The following BEST4 variants were observed in gnomAD, a reference collection of about 807,000 sequenced individuals.
BEST4 encodes bestrophin 4.
A neutral mutation model predicts 47.1 loss-of-function variants in BEST4; 36 were observed. That is an observed-to-expected ratio of 0.76 (90% CI 0.59 to 1.01). The LOEUF is 1.01. BEST4 is among the 50% of genes least tolerant of loss of function. The pLI, the probability that BEST4 is intolerant of heterozygous loss-of-function variation, is 0.00. For synonymous variants in BEST4, 250 were observed against 277.8 expected (o/e 0.90, Z 1.00); for missense variants, 550 against 648.6 (o/e 0.85, Z 1.65).
intron 2 of BEST4, among the ~76,000 whole-genome samples, chr1:44,787,143 C>CTTTT (rs34398169): frequency 7.6e-5 from 8 of 105,026 alleles, no homozygotes; most frequent in South Asian, 3.2e-4. Context: ...TTGAGTAATT[C>CTTTT]TTTTTTTTTT....
In BEST4 at chr1:44,786,091, G is replaced by A; in HGVS notation, c.619C>T (p.Leu207Phe). The change falls in exon 4 of 9, where the codon CTC becomes TTC. Residue 207 changes from leucine to phenylalanine, a missense_variant. Leu to Phe is a conservative substitution (Grantham distance 22). Coordinates refer to ENST00000372207, the MANE Select transcript of BEST4 (RefSeq NM_153274.3). This position sits in a 1 kb window ranked among gnomAD's most constrained non-coding sequence, Gnocchi z 4.9. ...CCACTCACTTCCAAAAGTAGACAGA[G>A]AGCGATATCGTCACGTATTCGCCCG... ...RDGRIRDDIA[L>F]CLLLEELNKY... The A allele has an allele frequency of 6.2e-7, 1 of 1,609,842 alleles. No individual in the cohort carries two copies. The highest frequency in any genetic ancestry group is 8.5e-7 in the Non-Finnish European group (1 of 1,178,518).
upstream of BEST4, among the ~76,000 whole-genome samples, chr1:44,789,897 A>G (rs985618679): frequency 6.6e-6 from 1 of 152,232 alleles, no homozygotes; most frequent in Admixed American, 6.5e-5. Context: ...CAAGTTTCCT[A>G]AAGATAGGAA....
chr1:44,789,671 C>T (rs977376307), upstream of BEST4, among the ~76,000 whole-genome samples: 12 of 152,068 alleles, frequency 7.9e-5, no homozygotes, highest in South Asian at 8.3e-4. Flanking sequence ...GCACTCCAGC[C>T]TGGACAACAA....
Position 44,787,540 on chromosome 1 carries a change from G to A in BEST4, c.152+14C>T. The A allele has an allele frequency of 6.2e-7, 1 of 1,614,146 alleles. No homozygotes were observed. The highest frequency in any genetic ancestry group is 1.7e-5 in the Admixed American group (1 of 60,018). On this transcript the variant is annotated intron_variant, in intron 1 of 8. Coordinates refer to ENST00000372207, the MANE Select transcript of BEST4 (RefSeq NM_153274.3). Reference sequence around the variant, plus strand: ...GTCTCCCCACTTGCGCCAGCTCTAAGACCCTGCCCTTACCGGTAGGTGATG... The same window carrying A: ...GTCTCCCCACTTGCGCCAGCTCTAAAACCCTGCCCTTACCGGTAGGTGATG...
upstream of BEST4, among the ~76,000 whole-genome samples, chr1:44,792,496 G>A (rs965875040): frequency 5.3e-5 from 8 of 151,630 alleles, no homozygotes; most frequent in East Asian, 1.9e-4. Context: ...GAGTCGTTGC[G>A]CATATTAGGT....
upstream of BEST4, among the ~76,000 whole-genome samples, chr1:44,790,048 A>C (rs1651370601): frequency 1.3e-5 from 2 of 152,184 alleles, no homozygotes; most frequent in African/African-American, 4.8e-5. Context: ...AGAACGCCTA[A>C]CCTCATGGGG....
chr1:44,782,900 A>T (rs1557611564), downstream of BEST4, among the ~76,000 whole-genome samples: 1 of 151,810 alleles, frequency 6.6e-6, no homozygotes, highest in Non-Finnish European at 1.5e-5. Context: ...ATCGTATAGG[A>T]GCATAGTTTT....
intron 5 of BEST4, 145 bp downstream of exon 5, chr1:44,785,454 G>T: frequency 8.5e-7 from 1 of 1,175,020 alleles, no homozygotes; most frequent in Non-Finnish European, 1.2e-6. Context: ...TCACCTTGTT[G>T]GGGGTGGTGG....
downstream of BEST4, among the ~76,000 whole-genome samples, chr1:44,783,156 C>T (rs774162859): frequency 1.3e-4 from 20 of 152,174 alleles, no homozygotes; most frequent in Non-Finnish European, 2.4e-4. Flanking sequence ...GGTTTCACCA[C>T]GTTGGCCAGG....
Position 44,785,583 on chromosome 1 carries a change from G to A in BEST4, c.714+16C>T, listed in dbSNP as rs1651189678. On this transcript the variant is annotated intron_variant, in intron 5 of 8. Transcript: ENST00000372207. ...ATACAGTAGGCACTGGGACTCGGGA[G>A]GGGAGAGGCAGTTACTTGGGTGTAG... 1.9e-6 allele frequency: 3 copies of A among 1,544,348 alleles called. No homozygotes were observed. The highest frequency in any genetic ancestry group is 2.6e-6 in the Non-Finnish European group (3 of 1,140,490).
rs1311863206 is a variant in BEST4 at position 44,786,717 on chromosome 1, A to G, written c.248-21T>C. On this transcript the variant is annotated intron_variant, in intron 2 of 8. Coordinates refer to ENST00000372207, the MANE Select transcript of BEST4 (RefSeq NM_153274.3). This position sits in a 1 kb window ranked among gnomAD's most constrained non-coding sequence, Gnocchi z 4.9. The stretch of plus-strand genomic sequence containing the variant: ...GAAACCTGCTTGGCCGCCGTGATAG[A>G]GGGAGTAGGAAGGGAGAGTGGAGAG... 2 of 1,535,092 alleles carry G rather than the reference A, an allele frequency of 1.3e-6. No individual in the cohort carries two copies. Among genetic ancestry groups the G allele is most frequent in the African/African-American group, 1.4e-5 (1 of 72,704 alleles).
In BEST4 at chr1:44,787,744, C is replaced by A; in HGVS notation, c.-39G>T. 5 of 1,611,690 alleles carry A rather than the reference C, an allele frequency of 3.1e-6. No individual in the cohort carries two copies. The highest frequency in any genetic ancestry group is 4.2e-6 in the Non-Finnish European group (5 of 1,179,216). ...TGGGGCAGGAGGTCACAAGAGTTGC[C>A]CCCAGGGCTGTCGTTTAGTTCTCCA... On this transcript the variant is annotated 5_prime_UTR_variant, in exon 1 of 9. Transcript: ENST00000372207.
upstream of BEST4, among the ~76,000 whole-genome samples, chr1:44,788,240 A>G (rs1475804437): frequency 6.6e-6 from 1 of 152,182 alleles, no homozygotes; most frequent in Non-Finnish European, 1.5e-5. Flanking sequence ...ACTGAGGCCT[A>G]TCATTGATGG....
At chr1:44,787,238 C>T in intron 2 of BEST4, 134 bp downstream of exon 2, 1 of 836,612 alleles carries the variant, frequency 1.2e-6, no homozygotes, top group African/African-American at 1.7e-5. Flanking sequence ...ACCTCAGCCT[C>T]TCGAGTAGCT....
At chr1:44,792,588 G>A (rs1322463777), upstream of BEST4, among the ~76,000 whole-genome samples, 1 of 152,036 alleles carries the variant, frequency 6.6e-6, no homozygotes, top group Non-Finnish European at 1.5e-5. Flanking sequence ...TCTTATTTCA[G>A]GTTGGCTTTA....
In BEST4 at chr1:44,784,182, G is replaced by A; in HGVS notation, c.*28C>T. 1 of 1,387,184 alleles carries A rather than the reference G, an allele frequency of 7.2e-7. No individual in the cohort carries two copies. The highest frequency in any genetic ancestry group is 1.6e-5 in the South Asian group (1 of 61,254). The allele number at this position is 1,387,184 out of a possible 1,614,324, so 85.9% of individuals were successfully genotyped here. A position where few individuals can be genotyped will look rare whatever the true frequency, so the allele number is the denominator to read the frequency against. On this transcript the variant is annotated 3_prime_UTR_variant, in exon 9 of 9. Coordinates refer to ENST00000372207, the MANE Select transcript of BEST4 (RefSeq NM_153274.3). This position sits in a 1 kb window ranked among gnomAD's most constrained non-coding sequence, Gnocchi z 6.2. ...GGGAGGGAAGGAGGGCAGTGGGTGGGGGAAACCGGGCGGGGGCAGGCGAGA... is the reference window on the plus strand; with the variant it reads ...GGGAGGGAAGGAGGGCAGTGGGTGGAGGAAACCGGGCGGGGGCAGGCGAGA...
chr1:44,783,496 C>T (rs1651101950), downstream of BEST4: 2 of 152,164 alleles, frequency 1.3e-5, no homozygotes, highest in Non-Finnish European at 2.9e-5. Context: ...CATCTTCATC[C>T]TACTGCATGC....
In BEST4 at chr1:44,787,486, G is replaced by T; in HGVS notation, c.153-20C>A. The T allele has an allele frequency of 6.2e-7, 1 of 1,614,154 alleles. No homozygotes were observed. The highest frequency in any genetic ancestry group is 1.1e-5 in the South Asian group (1 of 91,086). ...AGCAGCCTGGGGAAGGCAGGTGTAG[G>T]CTTGGGTTAGAGGGAGGTGGGTGGC... is the stretch of plus-strand genomic sequence containing the variant. On this transcript the variant is annotated intron_variant, in intron 1 of 8. Transcript: ENST00000372207.
Position 44,784,724 on chromosome 1 carries a change from C to T in BEST4, c.1053G>A (p.Gln351=), listed in dbSNP as rs546689077. The change falls in exon 8 of 9, where the codon CAG becomes CAA. Residue 351 remains glutamine (Q), a synonymous_variant. Coordinates refer to ENST00000372207, the MANE Select transcript of BEST4 (RefSeq NM_153274.3). This position sits in a 1 kb window ranked among gnomAD's most constrained non-coding sequence, Gnocchi z 6.2. ...YQNLPPAEKD[Q]YWDEDQPQPP... ...GCTGCGGCTGGTCCTCATCCCAGTA[C>T]TGGTCCTTCTCAGCGGGGGGAAGGT... 2.5e-6 allele frequency: 4 copies of T among 1,607,072 alleles called. No individual in the cohort carries two copies. The highest frequency in any genetic ancestry group is 1.3e-5 in the African/African-American group (1 of 74,890).
Sources: gnomAD v4.1 joint callset for allele counts (sites outside exome capture counted in the v4.1 genomes callset) on GRCh38, gnomAD v4.1.1 for gene constraint, Gnocchi (gnomAD v3.1) non-coding constraint, MANE v1.5 for transcripts, NCBI Gene and HGNC (gene_info 2026-07-23, HGNC 2026-07-21) for gene names.